Variants in UBA6 observed in about 807,000 individuals in gnomAD.
UBA6 encodes the protein ubiquitin like modifier activating enzyme 6.
UBA6 carries 87 observed loss-of-function variants against 148.3 expected under a neutral mutation model. The ratio of observed to expected loss-of-function variants is 0.59; its 90% CI spans 0.49 to 0.70. UBA6 has a LOEUF of 0.70. Among genes scored for constraint, UBA6 ranks in the 30% least tolerant of loss-of-function variants. The pLI is 0.00. For missense variants in UBA6, 1,186 were observed against 1,241.2 expected (o/e 0.96, Z 0.67); for synonymous variants, 376 against 401.0 (o/e 0.94, Z 0.75).
chr4:67,688,322 T>A (rs1280593016), intron 2 of UBA6, among the ~76,000 whole-genome samples: 1 of 152,132 alleles, frequency 6.6e-6, no homozygotes, highest in Non-Finnish European at 1.5e-5. Flanking sequence ...CATTCATTTC[T>A]TCAGATACAT....
chr4:67,649,101 A>G lies in UBA6; in HGVS notation c.1215T>C (p.Ala405=). The G allele has an allele frequency of 6.2e-7, 1 of 1,613,924 alleles. No individual in the cohort carries two copies. The highest frequency in any genetic ancestry group is 1.1e-5 in the South Asian group (1 of 90,994). ...ACAAAGGAGAAAATTTTCCTGTTAC[A>G]GCTTTCAATACTTCTTGGCTGGCAA... is the stretch of plus-strand genomic sequence containing the variant. ...GGVASQEVLK[A]VTGKFSPLCQ... The change falls in exon 14 of 33, where the codon GCT becomes GCC. Residue 405 remains alanine (A), a synonymous_variant. Transcript: ENST00000322244.
At chr4:67,672,573 AAT>A in intron 7 of UBA6, among the ~76,000 whole-genome samples, 1 of 152,216 alleles carries the variant, frequency 6.6e-6, no homozygotes, top group East Asian at 1.9e-4. Flanking sequence ...TAAAAACTCA[AAT>A]GTCTTCGAAG....
intron 15 of UBA6, 49 bp from the exon 16 acceptor site, chr4:67,646,065 T>G (rs373433657): frequency 1.6e-5 from 18 of 1,102,528 alleles, no homozygotes; most frequent in Non-Finnish European, 2.2e-5. Flanking sequence ...AACATTAAAA[T>G]TAGTTTCACT....
At chr4:67,664,843 A>G (rs1402479310) in intron 10 of UBA6, among the ~76,000 whole-genome samples, 1 of 152,118 alleles carries the variant, frequency 6.6e-6, no homozygotes, top group East Asian at 1.9e-4. Flanking sequence ...TTGAAAATAC[A>G]TTAGTTTTAT....
chr4:67,700,979 G>T, intron 1 of UBA6, 70 bp downstream of exon 1: 2 of 1,590,180 alleles, frequency 1.3e-6, no homozygotes, highest in Non-Finnish European at 1.7e-6. Context: ...CCGCCGGAAA[G>T]AAAGAAGCAG....
In UBA6 at chr4:67,701,153, G is replaced by A. The variant is rs755227110; in HGVS notation, c.-34C>T. 1.2e-6 allele frequency: 2 copies of A among 1,606,162 alleles called. No individual in the cohort carries two copies. Among genetic ancestry groups the A allele is most frequent in the African/African-American group, 1.3e-5 (1 of 74,522 alleles). On this transcript the variant is annotated 5_prime_UTR_variant, in exon 1 of 33. Coordinates refer to ENST00000322244, the MANE Select transcript of UBA6 (RefSeq NM_018227.6). ...GAGACACCGCCGCCGGCTACTGGAA[G>A]GTAGGAAGGGGCGGGACCGTGGGGG...
At position 67,633,361 on chromosome 4, in the gene UBA6, T is replaced by G; in HGVS notation, c.2126A>C (p.Lys709Thr). Residue 709 changes from lysine (K) to threonine (T), a missense_variant, in exon 23 of 33, where the codon AAA becomes ACA. Coordinates refer to ENST00000322244, the MANE Select transcript of UBA6 (RefSeq NM_018227.6). ...CVELARLKFE[K>T]YFNHKALQLL... is the part of the protein sequence containing the mutation. ...CATACTTACCTTATGGTTAAAATATTTTTCAAACTTTAATCTTGCTAATTC... is the reference window on the plus strand; with the variant it reads ...CATACTTACCTTATGGTTAAAATATGTTTCAAACTTTAATCTTGCTAATTC... The G allele has an allele frequency of 3.1e-6, 5 of 1,599,064 alleles. No homozygotes were observed. The highest frequency in any genetic ancestry group is 4.3e-6 in the Non-Finnish European group (5 of 1,176,244).
chr4:67,645,375 TG>T (rs1729398540), intron 16 of UBA6, among the ~76,000 whole-genome samples: 1 of 151,078 alleles, frequency 6.6e-6, no homozygotes, highest in Non-Finnish European at 1.5e-5. Flanking sequence ...CTGAGGAGAG[TG>T]GATCATGAGG....
chr4:67,650,329 T>G (rs1411289490), intron 13 of UBA6, among the ~76,000 whole-genome samples: 2 of 152,166 alleles, frequency 1.3e-5, no homozygotes, highest in African/African-American at 4.8e-5. Flanking sequence ...CAATATTTTA[T>G]AGCTAGTAAA....
chr4:67,643,780 G>A (rs1729360495), intron 17 of UBA6, among the ~76,000 whole-genome samples: 1 of 152,024 alleles, frequency 6.6e-6, no homozygotes, highest in African/African-American at 2.4e-5. Context: ...GTTATCTGAA[G>A]TCAGTAGGTT....
chr4:67,618,841 A>T lies in UBA6; in HGVS notation c.*156T>A. The T allele has an allele frequency of 1.4e-6, 1 of 701,836 alleles. No homozygotes were observed. Among genetic ancestry groups the T allele is most frequent in the East Asian group, 2.9e-5 (1 of 34,692 alleles). The allele number at this position is 701,836 out of a possible 1,614,324, so 43.5% of individuals were successfully genotyped here. On this transcript the variant is annotated 3_prime_UTR_variant, in exon 33 of 33. Coordinates refer to ENST00000322244, the MANE Select transcript of UBA6 (RefSeq NM_018227.6). Reference sequence around the variant, plus strand: ...ATGCTATGCCCCAAAATGTTTTATAATTCTTCAGTGCAGTTTCTTACTGAT... The same window carrying T: ...ATGCTATGCCCCAAAATGTTTTATATTTCTTCAGTGCAGTTTCTTACTGAT...
chr4:67,682,324 G>A, intron 2 of UBA6, 111 bp from the exon 3 acceptor site: 1 of 726,696 alleles, frequency 1.4e-6, no homozygotes. Context: ...CCACAGACTT[G>A]TTATGAATGA....
chr4:67,694,215 C>CAAAA (rs769649769), intron 2 of UBA6, among the ~76,000 whole-genome samples: 33 of 41,872 alleles, frequency 7.9e-4, no homozygotes, highest in Non-Finnish European at 1.1e-3. Flanking sequence ...GACTCCATCT[C>CAAAA]AAAAAAAAAA....
At chr4:67,631,938 C>A in intron 23 of UBA6, 30 bp from the exon 24 acceptor site, 2 of 1,593,834 alleles carry the variant, frequency 1.3e-6, no homozygotes, top group South Asian at 1.1e-5. Flanking sequence ...TAAAGACACC[C>A]ACTACTTAAT....
chr4:67,636,368 C>A (rs1560481677), intron 19 of UBA6, among the ~76,000 whole-genome samples: 1 of 152,002 alleles, frequency 6.6e-6, no homozygotes, highest in African/African-American at 2.4e-5. Context: ...AAATTTAGGT[C>A]CCTCTCCCTC....
rs909589047 is a variant in UBA6, at chr4:67,649,325, T to C, written c.1105-114A>G. On this transcript the variant is annotated intron_variant, in intron 13 of 32. Coordinates refer to ENST00000322244, the MANE Select transcript of UBA6 (RefSeq NM_018227.6). ...TTAACTTCTAAAAAAGCTATTCAGT[T>C]CCCCTACTAAATATCTCTAAAAATG... is the stretch of plus-strand genomic sequence containing the variant. 12 of 1,025,242 alleles carry C rather than the reference T, an allele frequency of 1.2e-5. No individual in the cohort carries two copies. In the African/African-American group the frequency reaches 1.8e-4, roughly 15 times the overall value. 63.5% of individuals were successfully genotyped at this position (1,025,242 alleles called of 1,614,324 possible). A position where few individuals can be genotyped will look rare whatever the true frequency, so the allele number is the denominator to read the frequency against.
At chr4:67,622,960 G>C (rs1305691451) in intron 31 of UBA6, 35 bp from the exon 32 acceptor site, 2 of 1,532,554 alleles carry the variant, frequency 1.3e-6, no homozygotes, top group South Asian at 2.4e-5. Context: ...AACAATGAAA[G>C]CCTCGCTCAA....
chr4:67,699,327 C>G (rs975364377), intron 1 of UBA6, among the ~76,000 whole-genome samples: 2 of 152,198 alleles, frequency 1.3e-5, no homozygotes, highest in African/African-American at 4.8e-5. Flanking sequence ...TGGAATCCAA[C>G]TTTCTAGTCC....
chr4:67,636,578 G>A (rs1346939586), intron 19 of UBA6, among the ~76,000 whole-genome samples: 1 of 152,184 alleles, frequency 6.6e-6, no homozygotes, highest in Admixed American at 6.5e-5. Flanking sequence ...TTTTTTGGTG[G>A]AGACGGGGTT....
Sources: gnomAD v4.1 joint callset for allele counts (sites outside exome capture counted in the v4.1 genomes callset) on GRCh38, gnomAD v4.1.1 for gene constraint, MANE v1.5 for transcripts, NCBI Gene and HGNC (gene_info 2026-07-23, HGNC 2026-07-21) for gene names.